CCDC192: variants seen among roughly 807,000 people sequenced by gnomAD.
The protein encoded by CCDC192 is coiled-coil domain-containing protein 192.
chr5:127,847,412 T>C (rs1431564145), intron 5 of CCDC192, among the ~76,000 whole-genome samples: 1 of 152,174 alleles, frequency 6.6e-6, no homozygotes, highest in African/African-American at 2.4e-5. Flanking sequence ...CAATCTACTT[T>C]CAAAAGATAT....
intron 6 of CCDC192, among the ~76,000 whole-genome samples, chr5:127,926,475 T>C (rs975314528): frequency 2.0e-5 from 3 of 152,124 alleles, no homozygotes; most frequent in African/African-American, 7.2e-5. Flanking sequence ...AAGAGAATTA[T>C]AAGGATGTGG....
At chr5:127,718,387 T>C (rs1751762053) in intron 2 of CCDC192, among the ~76,000 whole-genome samples, 1 of 152,200 alleles carries the variant, frequency 6.6e-6, no homozygotes, top group South Asian at 2.1e-4. Context: ...TGTCTCCAGA[T>C]TTGTTTCATC....
chr5:127,865,032 A>G (rs1751545939), intron 5 of CCDC192, among the ~76,000 whole-genome samples: 1 of 152,176 alleles, frequency 6.6e-6, no homozygotes, highest in East Asian at 1.9e-4. Flanking sequence ...CTGTAGTCCC[A>G]GCTACTTGGG....
intron 2 of CCDC192, among the ~76,000 whole-genome samples, chr5:127,739,216 G>T (rs561291926): frequency 6.6e-6 from 1 of 152,244 alleles, no homozygotes; most frequent in East Asian, 1.9e-4. Context: ...GCCCCTGCTG[G>T]GGGGTGCCTC....
chr5:127,710,716 A>G (rs1366556118), intron 2 of CCDC192, among the ~76,000 whole-genome samples: 1 of 152,178 alleles, frequency 6.6e-6, no homozygotes, highest in Non-Finnish European at 1.5e-5. Context: ...GTCTGGCATC[A>G]TCATTGTTAT....
chr5:127,854,269 T>A (rs1353719226), intron 5 of CCDC192, among the ~76,000 whole-genome samples: 1 of 152,164 alleles, frequency 6.6e-6, no homozygotes, highest in Non-Finnish European at 1.5e-5. Flanking sequence ...AGACAATCTC[T>A]TCAATTAAAT....
At chr5:127,821,732 C>T (rs1172843140) in intron 5 of CCDC192, among the ~76,000 whole-genome samples, 1 of 152,116 alleles carries the variant, frequency 6.6e-6, no homozygotes, top group Non-Finnish European at 1.5e-5. Context: ...GTCCTTAGAC[C>T]CAATGATGTT....
intron 6 of CCDC192, among the ~76,000 whole-genome samples, chr5:127,931,441 A>C (rs1754027567): frequency 6.6e-6 from 1 of 152,186 alleles, no homozygotes; most frequent in Non-Finnish European, 1.5e-5. Context: ...ATCAGCTAGT[A>C]ACATTTAAAG....
chr5:127,931,576 A>G (rs1754029980), intron 6 of CCDC192, among the ~76,000 whole-genome samples: 1 of 152,174 alleles, frequency 6.6e-6, no homozygotes, highest in Admixed American at 6.5e-5. Flanking sequence ...ATTTAGCCAA[A>G]TCTTGGTTCA....
At chr5:127,921,268 G>A (rs75923822) in intron 6 of CCDC192, among the ~76,000 whole-genome samples, 5,948 of 151,826 alleles carry the variant, frequency 0.039, 401 homozygotes, top group East Asian at 0.3. Flanking sequence ...GGTAAGAAAA[G>A]AAAAGGAAGG....
chr5:127,751,223 A>G (rs923224398), intron 2 of CCDC192, among the ~76,000 whole-genome samples: 15 of 151,688 alleles, frequency 9.9e-5, no homozygotes, highest in African/African-American at 3.6e-4. Flanking sequence ...TGGTCTTTAC[A>G]TCTTGGCATG....
chr5:127,748,970 C>T (rs866479757), intron 2 of CCDC192, among the ~76,000 whole-genome samples: 238 of 152,172 alleles, frequency 1.6e-3, no homozygotes, highest in African/African-American at 5.5e-3. Context: ...TATCCTGAGA[C>T]TTTGCTGAAG....
intron 5 of CCDC192, among the ~76,000 whole-genome samples, chr5:127,818,008 C>T (rs17839675): frequency 1.6e-3 from 244 of 152,002 alleles, no homozygotes; most frequent in African/African-American, 5.5e-3. Context: ...AGAAAATATC[C>T]GTAAAAATAG....
rs556279841 is a variant in CCDC192, at chr5:127,863,284, A to G, written c.412-12254A>G. On this transcript the variant is annotated intron_variant, in intron 5 of 6. Coordinates refer to ENST00000514853, the MANE Select transcript of CCDC192 (RefSeq NM_001317938.2). ...AGTGTTTATCCATGGATGAATGAATAAACAATATGTATACATACCATGGAA... is the reference window on the plus strand; with the variant it reads ...AGTGTTTATCCATGGATGAATGAATGAACAATATGTATACATACCATGGAA... 9.8e-5 allele frequency among the ~76,000 whole-genome samples: 15 copies of G among 152,366 alleles called. 2 individuals are homozygous for G. In the South Asian group the frequency reaches 3.1e-3, roughly 32 times the overall value.
chr5:127,826,434 T>C (rs1348983122), intron 5 of CCDC192, among the ~76,000 whole-genome samples: 1 of 151,862 alleles, frequency 6.6e-6, no homozygotes, highest in Non-Finnish European at 1.5e-5. Context: ...CGTTATTGGG[T>C]ATACACATCC....
intron 6 of CCDC192, among the ~76,000 whole-genome samples, chr5:127,939,406 C>T (rs926872746): frequency 3.9e-5 from 6 of 152,048 alleles, no homozygotes; most frequent in East Asian, 1.9e-4. Flanking sequence ...CGTGAGCCAC[C>T]GTGCCCCACC....
At chr5:127,898,505 A>C (rs1312359304) in intron 6 of CCDC192, among the ~76,000 whole-genome samples, 1 of 152,152 alleles carries the variant, frequency 6.6e-6, no homozygotes, top group East Asian at 1.9e-4. Context: ...GTAATTTTTA[A>C]ATAGGAAAAA....
chr5:127,857,998 G>A (rs971831943), intron 5 of CCDC192, among the ~76,000 whole-genome samples: 1 of 152,156 alleles, frequency 6.6e-6, no homozygotes, highest in Non-Finnish European at 1.5e-5. Flanking sequence ...CCGTCATGCA[G>A]GGTGACAGCT....
At chr5:127,824,075 ACTT>A (rs2127026190) in intron 5 of CCDC192, among the ~76,000 whole-genome samples, 1 of 152,240 alleles carries the variant, frequency 6.6e-6, no homozygotes, top group South Asian at 2.1e-4. Flanking sequence ...AAGGCCAAAA[ACTT>A]CTATTACTAC....
Sources: gnomAD v4.1 joint callset for allele counts (sites outside exome capture counted in the v4.1 genomes callset) on GRCh38, gnomAD v4.1.1 for gene constraint, MANE v1.5 for transcripts, NCBI Gene and HGNC (gene_info 2026-07-23, HGNC 2026-07-21) for gene names.